Variants in PLEKHM3 observed in about 807,000 individuals in gnomAD.
PLEKHM3 encodes the protein pleckstrin homology domain containing M3.
In PLEKHM3, 45 loss-of-function variants were observed where a neutral mutation model predicts 81.8. The ratio of observed to expected loss-of-function variants is 0.55; its 90% CI spans 0.43 to 0.71. The LOEUF (loss-of-function observed/expected upper bound fraction) is 0.71, where lower values mean the gene tolerates loss of function less well. Among genes scored for constraint, PLEKHM3 ranks in the 30% least tolerant of loss-of-function variants. The pLI is 0.00. For synonymous variants in PLEKHM3, 352 were observed against 356.4 expected (o/e 0.99, Z 0.14); for missense variants, 788 against 924.3 (o/e 0.85, Z 1.91).
intron 5 of PLEKHM3, among the ~76,000 whole-genome samples, chr2:207,925,082 C>T (rs983756753): frequency 6.6e-6 from 1 of 151,098 alleles, no homozygotes; most frequent in African/African-American, 2.4e-5. Flanking sequence ...GAAATGGAGA[C>T]AGTTCTGAGT....
At position 207,828,311 on chromosome 2, in the gene PLEKHM3, G is replaced by A. The variant is rs766421695; in HGVS notation, c.*8C>T. 1.2e-5 allele frequency: 20 copies of A among 1,602,582 alleles called. No individual in the cohort carries two copies. Among genetic ancestry groups the A allele is most frequent in the East Asian group, 2.2e-5 (1 of 44,644 alleles). ...TTGGTGAATCCCTGGCCTTCGGGTC[G>A]GCTGGAGTCAGGTGTTCTGGTAGGA... is the stretch of plus-strand genomic sequence containing the variant. On this transcript the variant is annotated 3_prime_UTR_variant, in exon 8 of 8. Transcript: ENST00000427836.
intron 6 of PLEKHM3, among the ~76,000 whole-genome samples, chr2:207,874,097 A>T (rs2092548565): frequency 1.3e-5 from 2 of 152,220 alleles, no homozygotes; most frequent in South Asian, 4.1e-4. Context: ...CTAGAATATT[A>T]TCTGTTGTGT....
chr2:207,973,078 G>C (rs748466779), intron 3 of PLEKHM3, among the ~76,000 whole-genome samples: 3 of 152,222 alleles, frequency 2.0e-5, no homozygotes, highest in Admixed American at 6.5e-5. Flanking sequence ...CAGTGAATTA[G>C]CCTCTCCTTA....
intron 7 of PLEKHM3, among the ~76,000 whole-genome samples, chr2:207,838,544 A>G (rs2092332862): frequency 6.6e-6 from 1 of 152,216 alleles, no homozygotes; most frequent in Non-Finnish European, 1.5e-5. Context: ...CAAACACTTA[A>G]TCAGTGCTTC....
intron 2 of PLEKHM3, among the ~76,000 whole-genome samples, chr2:207,980,329 G>T (rs1415520388): frequency 6.6e-6 from 1 of 152,140 alleles, no homozygotes; most frequent in Non-Finnish European, 1.5e-5. Flanking sequence ...GAGCTAGGGT[G>T]GCAGGTGCCA....
At chr2:207,906,098 C>T (rs1688594455) in intron 6 of PLEKHM3, among the ~76,000 whole-genome samples, 1 of 152,220 alleles carries the variant, frequency 6.6e-6, no homozygotes, top group Non-Finnish European at 1.5e-5. Flanking sequence ...GAAAGGCTCC[C>T]TCAAAGAGTA....
At chr2:208,023,625 G>T (rs542667402) in intron 1 of PLEKHM3, among the ~76,000 whole-genome samples, 4 of 152,064 alleles carry the variant, frequency 2.6e-5, no homozygotes, top group Non-Finnish European at 4.4e-5. Flanking sequence ...TAGGTTGCAC[G>T]CTCCTTATGA....
At chr2:207,981,700 A>G (rs114459149) in intron 2 of PLEKHM3, among the ~76,000 whole-genome samples, 3,621 of 152,266 alleles carry the variant, frequency 0.024, 63 homozygotes, top group Non-Finnish European at 0.038. Flanking sequence ...TATGTATTTA[A>G]ATCTAAATTT....
At chr2:207,828,822 C>T (rs2092268077) in intron 7 of PLEKHM3, among the ~76,000 whole-genome samples, 1 of 152,172 alleles carries the variant, frequency 6.6e-6, no homozygotes, top group Admixed American at 6.5e-5. Context: ...TTGGCAGTGA[C>T]TCTAGAGTGA....
intron 6 of PLEKHM3, among the ~76,000 whole-genome samples, chr2:207,893,455 G>A (rs75316411): frequency 0.014 from 2,204 of 152,248 alleles, 49 homozygotes; most frequent in African/African-American, 0.05. Context: ...TATCTTTTGC[G>A]TGGCTGAAGG....
At chr2:208,011,704 C>T (rs562715366) in intron 1 of PLEKHM3, among the ~76,000 whole-genome samples, 2 of 150,832 alleles carry the variant, frequency 1.3e-5, no homozygotes, top group South Asian at 2.1e-4. Flanking sequence ...CACAAGTCAC[C>T]ACTAAAGAAC....
intron 2 of PLEKHM3, among the ~76,000 whole-genome samples, chr2:207,997,415 G>A (rs1042899710): frequency 5.3e-5 from 8 of 152,172 alleles, no homozygotes; most frequent in Admixed American, 2.0e-4. Flanking sequence ...AGGAGCAGAC[G>A]AGGGAAGAAG....
At chr2:207,960,910 TG>T (rs1690707766) in intron 3 of PLEKHM3, among the ~76,000 whole-genome samples, 1 of 152,172 alleles carries the variant, frequency 6.6e-6, no homozygotes, top group Non-Finnish European at 1.5e-5. Flanking sequence ...CTGTAGTTTC[TG>T]GGGGAAAAAA....
In PLEKHM3 at chr2:207,827,117, A is replaced by G. The variant is rs2092255871; in HGVS notation, c.*1202T>C. 1 of 151,884 alleles carries G rather than the reference A, an allele frequency of 6.6e-6. No homozygotes were observed. Among genetic ancestry groups the G allele is most frequent in the Admixed American group, 6.6e-5 (1 of 15,240 alleles). 9.4% of individuals were successfully genotyped at this position (151,884 alleles called of 1,614,324 possible). ...ATATATATATATTTATTTAAATAAT[A>G]TTAGATCTAATTCATTAATTATACT... On this transcript the variant is annotated 3_prime_UTR_variant, in exon 8 of 8. Coordinates refer to ENST00000427836, the MANE Select transcript of PLEKHM3 (RefSeq NM_001080475.3).
intron 1 of PLEKHM3, among the ~76,000 whole-genome samples, chr2:208,012,208 A>AT (rs1157335543): frequency 6.6e-6 from 1 of 151,920 alleles, no homozygotes; most frequent in African/African-American, 2.4e-5. Flanking sequence ...CGCCCGGCTA[A>AT]TTTTTTTGTA....
chr2:207,930,896 C>A, intron 5 of PLEKHM3, 30 bp downstream of exon 5: 1 of 1,601,334 alleles, frequency 6.2e-7, no homozygotes, highest in Non-Finnish European at 8.5e-7. Context: ...GAAAAACAAA[C>A]GGGAGCCGTC....
In PLEKHM3 at chr2:207,927,540, G is replaced by A. The variant is rs551653625; in HGVS notation, c.1886+3386C>T. 2.7e-3 allele frequency among the ~76,000 whole-genome samples: 388 copies of A among 142,422 alleles called. 6 individuals carry two copies. Among genetic ancestry groups the A allele is most frequent in the African/African-American group, 9.8e-3 (367 of 37,416 alleles). 93.4% of individuals were successfully genotyped at this position (142,422 alleles called of 152,430 possible). A position where few individuals can be genotyped will look rare whatever the true frequency, so the allele number is the denominator to read the frequency against. On this transcript the variant is annotated intron_variant, in intron 5 of 7. Coordinates refer to ENST00000427836, the MANE Select transcript of PLEKHM3 (RefSeq NM_001080475.3). ...CAAAAAAAAAAAAAAAAAAAAAGAA[G>A]TGTGGCTGGCTGGGTGTGGTGGCTC...
Position 207,865,796 on chromosome 2 carries a change from AAAAAAAGATATATATATAT to A in PLEKHM3, c.1951-4553_1951-4535del, listed in dbSNP as rs1359945466. On this transcript the variant is annotated intron_variant, in intron 6 of 7. Transcript: ENST00000427836. Reference sequence around the variant, plus strand: ...AACTCCGACTCAAAAAAAAAAAAAAAAAAAAAGATATATATATATATATATATATATATATATATATACT... The same window carrying A: ...AACTCCGACTCAAAAAAAAAAAAAAAATATATATATATATATATATATACT... 4.4e-4 allele frequency among the ~76,000 whole-genome samples: 20 copies of A among 45,416 alleles called. 2 individuals carry two copies. Among genetic ancestry groups the A allele is most frequent in the African/African-American group, 2.1e-3 (19 of 8,942 alleles). 29.8% of individuals were successfully genotyped at this position (45,416 alleles called of 152,430 possible).
intron 7 of PLEKHM3, among the ~76,000 whole-genome samples, chr2:207,833,931 T>A (rs1182860201): frequency 1.3e-5 from 2 of 152,194 alleles, no homozygotes; most frequent in East Asian, 3.8e-4. Flanking sequence ...TTTAAACACA[T>A]CATTTGATTA....
Sources: allele counts gnomAD v4.1 joint callset (sites outside exome capture counted in the v4.1 genomes callset), GRCh38; gene constraint gnomAD v4.1.1; transcripts MANE v1.5; gene names NCBI Gene and HGNC (gene_info 2026-07-23, HGNC 2026-07-21).